The following PLAC9 variants were observed in gnomAD, a reference collection of about 807,000 sequenced individuals.
The protein encoded by PLAC9 is placenta-specific protein 9.
A neutral mutation model predicts 11.5 loss-of-function variants in PLAC9; 12 were observed. That is an observed-to-expected ratio of 1.05 (90% CI 0.67 to 1.69). The LOEUF (loss-of-function observed/expected upper bound fraction) is 1.69, where lower values mean the gene tolerates loss of function less well. Ranked by LOEUF, PLAC9 falls within the 40% of genes most tolerant of loss-of-function variation. PLAC9 has a pLI of 0.00. For synonymous variants in PLAC9, 62 were observed against 58.1 expected (o/e 1.07, Z -0.31); for missense variants, 132 against 130.5 (o/e 1.01, Z -0.06).
In PLAC9 at chr10:80,142,765, C is replaced by T. The variant is rs181190345; in HGVS notation, c.162+586C>T. On this transcript the variant is annotated intron_variant, in intron 2 of 3. Coordinates refer to ENST00000372263, the MANE Select transcript of PLAC9 (RefSeq NM_001012973.3). ...GCAGGGTCTCTGTCTGTCTACCAGG[C>T]TGGAGTGCCGTGGTGCAGTCTCGGC... is the stretch of plus-strand genomic sequence containing the variant. 1.2e-3 allele frequency among the ~76,000 whole-genome samples: 180 copies of T among 152,278 alleles called. 1 individual carries two copies. Among genetic ancestry groups the T allele is most frequent in the African/African-American group, 4.1e-3 (169 of 41,544 alleles).
intron 2 of PLAC9, among the ~76,000 whole-genome samples, chr10:80,143,025 T>C (rs1845058690): frequency 6.8e-6 from 1 of 146,524 alleles, no homozygotes; most frequent in Non-Finnish European, 1.5e-5. Flanking sequence ...GCCCGGCCAA[T>C]ACATATATTA....
chr10:80,132,845 G>A lies in PLAC9; in HGVS notation c.64+19G>A, dbSNP rs1247969833. On this transcript the variant is annotated intron_variant, in intron 1 of 3. Coordinates refer to ENST00000372263, the MANE Select transcript of PLAC9 (RefSeq NM_001012973.3). ...TTGGCCGGTGAGTGGGGCGCAGGGC[G>A]CGGCAGGGGACCTGGAGCCGGGGAG... The A allele has an allele frequency of 6.1e-6, 9 of 1,484,694 alleles. No homozygotes were observed. In the East Asian group the frequency reaches 1.4e-4, roughly 23 times the overall value. The allele number at this position is 1,484,694 out of a possible 1,614,324, so 92.0% of individuals were successfully genotyped here.
chr10:80,140,624 C>T (rs2132336660), intron 1 of PLAC9, among the ~76,000 whole-genome samples: 1 of 152,288 alleles, frequency 6.6e-6, no homozygotes, highest in South Asian at 2.1e-4. Context: ...AACTCTGAAA[C>T]CCAAGCTCGG....
intron 1 of PLAC9, among the ~76,000 whole-genome samples, chr10:80,135,016 T>TTATC (rs1844958366): frequency 6.6e-6 from 1 of 151,214 alleles, no homozygotes; most frequent in Non-Finnish European, 1.5e-5. Flanking sequence ...GTTTGTTTGT[T>TTATC]TATTTATTTA....
chr10:80,139,710 G>A (rs771886390), intron 1 of PLAC9, among the ~76,000 whole-genome samples: 8 of 152,082 alleles, frequency 5.3e-5, no homozygotes, highest in Non-Finnish European at 8.8e-5. Context: ...GTTGATTTCC[G>A]TGGTGTAAAT....
upstream of PLAC9, chr10:80,132,618 G>A: frequency 3.4e-6 from 2 of 587,182 alleles, no homozygotes; most frequent in Non-Finnish European, 5.4e-6. Context: ...CCTCTGGAGG[G>A]GGCGGGTTCT....
chr10:80,133,157 A>C (rs1335073463), intron 1 of PLAC9, among the ~76,000 whole-genome samples: 1 of 152,212 alleles, frequency 6.6e-6, no homozygotes, highest in Non-Finnish European at 1.5e-5. Context: ...AAAGAGAAGA[A>C]GGAAAGAGAA....
rs1449909023 is a variant in PLAC9, at chr10:80,144,770, T to C, written c.284-130T>C. The C allele has an allele frequency of 3.2e-6, 3 of 949,872 alleles. No individual in the cohort carries two copies. In the African/African-American group the frequency reaches 5.0e-5, roughly 16 times the overall value. 58.8% of individuals were successfully genotyped at this position (949,872 alleles called of 1,614,324 possible). ...TTGGGGTTGCACTCTGCTCTCTCCT[T>C]GATCCTTGTGTCCCGCGCGCAGTAG... On this transcript the variant is annotated intron_variant, in intron 3 of 3. Transcript: ENST00000372263.
chr10:80,137,071 A>G (rs1844987654), intron 1 of PLAC9, among the ~76,000 whole-genome samples: 1 of 152,212 alleles, frequency 6.6e-6, no homozygotes, highest in African/African-American at 2.4e-5. Context: ...CTGGCAGTAC[A>G]ATGTCAGGCC....
intron 1 of PLAC9, among the ~76,000 whole-genome samples, chr10:80,138,485 A>AG (rs1845003238): frequency 1.2e-4 from 19 of 152,322 alleles, no homozygotes; most frequent in Admixed American, 1.2e-3. Flanking sequence ...ATAATTTGGA[A>AG]AACAGATTGT....
At chr10:80,141,581 A>C (rs1845040314) in intron 1 of PLAC9, among the ~76,000 whole-genome samples, 1 of 152,134 alleles carries the variant, frequency 6.6e-6, no homozygotes, top group African/African-American at 2.4e-5. Flanking sequence ...CCTGGGCGAC[A>C]GAGCGAGACT....
At chr10:80,135,707 C>T (rs1291250021) in intron 1 of PLAC9, among the ~76,000 whole-genome samples, 1 of 152,044 alleles carries the variant, frequency 6.6e-6, no homozygotes, top group Non-Finnish European at 1.5e-5. Context: ...GACCATGAGC[C>T]ACCACGCCCG....
At chr10:80,132,465 C>T, upstream of PLAC9, 1 of 382,690 alleles carries the variant, frequency 2.6e-6, no homozygotes, top group Non-Finnish European at 4.7e-6. Flanking sequence ...CCCAATGCCC[C>T]CCGCCCCGCC....
chr10:80,145,190 A>G lies in PLAC9; in HGVS notation c.*280A>G. The G allele has an allele frequency of 1.7e-6, 1 of 579,620 alleles. No homozygotes were observed. Among genetic ancestry groups the G allele is most frequent in the South Asian group, 2.1e-5 (1 of 47,434 alleles). The allele number at this position is 579,620 out of a possible 1,614,324, so 35.9% of individuals were successfully genotyped here. ...AGATGGAGCAGGGGTTGATTCACAC[A>G]GATGGGGGCCCTTTGAGTGGCCTTG... On this transcript the variant is annotated 3_prime_UTR_variant, in exon 4 of 4. Coordinates refer to ENST00000372263, the MANE Select transcript of PLAC9 (RefSeq NM_001012973.3).
upstream of PLAC9, chr10:80,131,915 C>T (rs1322618756): frequency 6.6e-6 from 1 of 152,256 alleles, no homozygotes; most frequent in Non-Finnish European, 1.5e-5. Flanking sequence ...CCAGACGAGA[C>T]ACTCACTCAG....
At chr10:80,142,275 C>T (rs1374429437) in intron 2 of PLAC9, 96 bp downstream of exon 2, 5 of 1,050,844 alleles carry the variant, frequency 4.8e-6, no homozygotes, top group African/African-American at 4.7e-5. Context: ...AATGTGAGGA[C>T]ATCCGGGCCG....
intron 1 of PLAC9, among the ~76,000 whole-genome samples, chr10:80,139,118 A>AT (rs1366952843): frequency 4.0e-5 from 6 of 151,594 alleles, no homozygotes; most frequent in African/African-American, 1.2e-4. Flanking sequence ...CGCCCGGCTA[A>AT]TTTTTTTGTA....
chr10:80,138,747 C>A (rs1303780032), intron 1 of PLAC9, among the ~76,000 whole-genome samples: 1 of 152,170 alleles, frequency 6.6e-6, no homozygotes, highest in Non-Finnish European at 1.5e-5. Context: ...TACCTCAAGA[C>A]CTGCCCCACT....
At chr10:80,134,840 A>G (rs1007109322) in intron 1 of PLAC9, among the ~76,000 whole-genome samples, 5 of 106,408 alleles carry the variant, frequency 4.7e-5, no homozygotes, top group Non-Finnish European at 7.0e-5. Flanking sequence ...CCCTTTTTTT[A>G]CTTAATTTTT....
Sources: gnomAD v4.1 joint callset for allele counts (sites outside exome capture counted in the v4.1 genomes callset) on GRCh38, gnomAD v4.1.1 for gene constraint, MANE v1.5 for transcripts, NCBI Gene and HGNC (gene_info 2026-07-23, HGNC 2026-07-21) for gene names.